HS3ST5: variants seen among roughly 807,000 people sequenced by gnomAD.
HS3ST5 encodes the protein heparan sulfate-glucosamine 3-sulfotransferase 5.
Under a neutral mutation model 25.4 loss-of-function variants are expected in HS3ST5, and 10 were observed. The observed-to-expected ratio is 0.39, with a 90% CI of 0.24 to 0.67. HS3ST5 has a LOEUF of 0.67. HS3ST5 is among the 30% of genes least tolerant of loss of function. The probability of loss-of-function intolerance (pLI) is 0.44; values close to 1 mark genes in which losing one functional copy is unlikely to be tolerated. For missense variants in HS3ST5, 324 were observed against 420.7 expected (o/e 0.77, Z 2.01); for synonymous variants, 170 against 162.4 (o/e 1.05, Z -0.36).
At chr6:114,101,484 G>A (rs1562197158) in intron 3 of HS3ST5, among the ~76,000 whole-genome samples, 1 of 152,090 alleles carries the variant, frequency 6.6e-6, no homozygotes, top group Non-Finnish European at 1.5e-5. Flanking sequence ...TGCCCCTTTT[G>A]TTGATTTACA....
intron 2 of HS3ST5, among the ~76,000 whole-genome samples, chr6:114,212,747 A>G (rs1229397396): frequency 6.6e-6 from 1 of 152,164 alleles, no homozygotes; most frequent in African/African-American, 2.4e-5. Context: ...GGTTAGTAAG[A>G]GCCTTCACTC....
chr6:114,219,221 T>G (rs1781915445), intron 2 of HS3ST5, among the ~76,000 whole-genome samples: 1 of 152,210 alleles, frequency 6.6e-6, no homozygotes, highest in Non-Finnish European at 1.5e-5. Context: ...ATCACATTAT[T>G]TTTATTCTTA....
chr6:114,223,136 T>A (rs1782120156), intron 2 of HS3ST5, among the ~76,000 whole-genome samples: 1 of 151,784 alleles, frequency 6.6e-6, no homozygotes, highest in South Asian at 2.1e-4. Context: ...GTGTTAAATT[T>A]TCATTTTTGA....
intron 3 of HS3ST5, among the ~76,000 whole-genome samples, chr6:114,167,973 A>G (rs1779295827): frequency 1.3e-5 from 2 of 152,190 alleles, no homozygotes; most frequent in African/African-American, 4.8e-5. Context: ...GATAATAGGA[A>G]CAGCAAAGAC....
intron 3 of HS3ST5, among the ~76,000 whole-genome samples, chr6:114,165,261 C>T (rs1273154943): frequency 2.0e-5 from 3 of 152,120 alleles, no homozygotes; most frequent in African/African-American, 7.2e-5. Context: ...AAAACATGAT[C>T]TAACATGTAA....
chr6:114,224,193 T>C (rs2114502943), intron 2 of HS3ST5, among the ~76,000 whole-genome samples: 1 of 151,802 alleles, frequency 6.6e-6, no homozygotes, highest in Non-Finnish European at 1.5e-5. Flanking sequence ...TTCTATTGGT[T>C]GTATACTTGT....
intron 3 of HS3ST5, among the ~76,000 whole-genome samples, chr6:114,167,900 T>G (rs1779291093): frequency 2.6e-5 from 4 of 152,140 alleles, no homozygotes; most frequent in South Asian, 4.1e-4. Flanking sequence ...CCTTTGAGTT[T>G]GTTTGGCGTT....
intron 1 of HS3ST5, among the ~76,000 whole-genome samples, chr6:114,263,589 A>G (rs1169289830): frequency 6.6e-6 from 1 of 152,184 alleles, no homozygotes; most frequent in Non-Finnish European, 1.5e-5. Context: ...TAAAGTTTCT[A>G]TCATTGATTT....
rs529763308 is a variant in HS3ST5 at position 114,236,826 on chromosome 6, T to C, written c.-338-8048A>G. On this transcript the variant is annotated intron_variant, in intron 1 of 4. Transcript: ENST00000312719. ...TGTAACAATCGGTACTGCAATTGTA[T>C]ACTCTATTGAAATATTTTAGACTTT... Among the ~76,000 whole-genome samples the C allele has an allele frequency of 4.6e-5, 7 of 152,322 alleles. No individual in the cohort carries two copies. In the East Asian group the frequency reaches 1.3e-3, roughly 29 times the overall value.
chr6:114,267,051 T>C (rs888708558), intron 1 of HS3ST5, among the ~76,000 whole-genome samples: 3 of 152,272 alleles, frequency 2.0e-5, no homozygotes, highest in Admixed American at 6.5e-5. Flanking sequence ...GCCCAAAACA[T>C]AGTCACTTCT....
At chr6:114,275,967 A>T (rs1251861161) in intron 1 of HS3ST5, among the ~76,000 whole-genome samples, 1 of 151,928 alleles carries the variant, frequency 6.6e-6, no homozygotes, top group East Asian at 1.9e-4. Context: ...ATGGAAATTT[A>T]GGTTGGGCCC....
At chr6:114,283,601 C>A (rs932476641) in intron 1 of HS3ST5, among the ~76,000 whole-genome samples, 1 of 150,614 alleles carries the variant, frequency 6.6e-6, no homozygotes, top group Non-Finnish European at 1.5e-5. Flanking sequence ...TGTTTGCTTA[C>A]AAAAATAAGT....
At chr6:114,285,016 A>G (rs2114753553) in intron 1 of HS3ST5, among the ~76,000 whole-genome samples, 1 of 152,158 alleles carries the variant, frequency 6.6e-6, no homozygotes, top group South Asian at 2.1e-4. Flanking sequence ...CATTTTTACA[A>G]ACTAAAATAG....
At chr6:114,277,740 C>T (rs1361269362) in intron 1 of HS3ST5, among the ~76,000 whole-genome samples, 1 of 151,894 alleles carries the variant, frequency 6.6e-6, no homozygotes, top group African/African-American at 2.4e-5. Context: ...ATTTCACTAA[C>T]TTCGGGAAAA....
At chr6:114,060,272 A>G (rs1773030453) in intron 4 of HS3ST5, among the ~76,000 whole-genome samples, 1 of 152,086 alleles carries the variant, frequency 6.6e-6, no homozygotes, top group Non-Finnish European at 1.5e-5. Flanking sequence ...TCAGCCTCCC[A>G]AAGTGCTGGG....
At chr6:114,322,391 A>G (rs548490815) in intron 1 of HS3ST5, among the ~76,000 whole-genome samples, 6 of 152,274 alleles carry the variant, frequency 3.9e-5, no homozygotes, top group Admixed American at 2.0e-4. Flanking sequence ...TTTGAAAGAG[A>G]CAGGTGGGCC....
chr6:114,124,951 A>T (rs1776969985), intron 3 of HS3ST5, among the ~76,000 whole-genome samples: 1 of 152,156 alleles, frequency 6.6e-6, no homozygotes, highest in African/African-American at 2.4e-5. Context: ...TGGCATAAGC[A>T]ATTTGCCTAG....
chr6:114,166,540 C>T (rs974246454), intron 3 of HS3ST5, among the ~76,000 whole-genome samples: 4 of 152,104 alleles, frequency 2.6e-5, no homozygotes, highest in Non-Finnish European at 5.9e-5. Context: ...TTTTAAATGG[C>T]ATATTCCACC....
At chr6:114,075,370 C>A (rs1259678011) in intron 3 of HS3ST5, among the ~76,000 whole-genome samples, 1 of 152,182 alleles carries the variant, frequency 6.6e-6, no homozygotes, top group African/African-American at 2.4e-5. Context: ...GCCTCCTGCC[C>A]AAGTAGCCAC....
Sources: allele counts gnomAD v4.1 joint callset (sites outside exome capture counted in the v4.1 genomes callset), GRCh38; gene constraint gnomAD v4.1.1; transcripts MANE v1.5; gene names NCBI Gene and HGNC (gene_info 2026-07-23, HGNC 2026-07-21).